MYRIP: variants seen among roughly 807,000 people sequenced by gnomAD.
The protein encoded by MYRIP is myosin VIIA and Rab interacting protein, also known as rab effector MyRIP.
In MYRIP, 49 loss-of-function variants were observed where a neutral mutation model predicts 98.0. The ratio of observed to expected loss-of-function variants is 0.50; its 90% CI spans 0.40 to 0.63. The LOEUF (loss-of-function observed/expected upper bound fraction) is 0.63. Ranked by LOEUF, MYRIP falls within the 30% of genes least tolerant of loss-of-function variation. The probability of loss-of-function intolerance (pLI) is 0.00; values close to 1 mark genes in which losing one functional copy is unlikely to be tolerated. For missense variants in MYRIP, 1,004 were observed against 1,058.2 expected (o/e 0.95, Z 0.71); for synonymous variants, 404 against 409.5 (o/e 0.99, Z 0.16).
rs367671138 is a variant in MYRIP at position 40,130,426 on chromosome 3, G to A, written c.333-20622G>A. On this transcript the variant is annotated intron_variant, in intron 3 of 16. Coordinates refer to ENST00000302541, the MANE Select transcript of MYRIP (RefSeq NM_015460.4). ...GGAGTCTCGCTCTGTGGCCCAGGCG[G>A]GAGTGCAGTGGCGCAATCTCGGCTC... 7.4e-3 allele frequency among the ~76,000 whole-genome samples: 1,115 copies of A among 150,714 alleles called. 11 individuals are homozygous for A. Among genetic ancestry groups the A allele is most frequent in the African/African-American group, 0.025 (1,021 of 40,942 alleles).
intron 3 of MYRIP, among the ~76,000 whole-genome samples, chr3:40,055,288 A>C (rs2125842769): frequency 6.6e-6 from 1 of 152,308 alleles, no homozygotes; most frequent in African/African-American, 2.4e-5. Context: ...GCAGTATTAG[A>C]TATGCTACAA....
intron 1 of MYRIP, among the ~76,000 whole-genome samples, chr3:39,888,315 T>G (rs1353449391): frequency 1.3e-5 from 2 of 151,974 alleles, no homozygotes; most frequent in Non-Finnish European, 2.9e-5. Context: ...AGCATGGTAC[T>G]GGTACCAAAA....
At chr3:40,136,449 C>T (rs1228997020) in intron 3 of MYRIP, among the ~76,000 whole-genome samples, 1 of 152,130 alleles carries the variant, frequency 6.6e-6, no homozygotes, top group Non-Finnish European at 1.5e-5. Flanking sequence ...ACTTTAACAC[C>T]CCGCTGTCAA....
At chr3:40,195,714 A>T (rs1158204059) in intron 10 of MYRIP, among the ~76,000 whole-genome samples, 1 of 152,078 alleles carries the variant, frequency 6.6e-6, no homozygotes, top group East Asian at 1.9e-4. Context: ...TTTAATAAAA[A>T]GCAGATTCCA....
intron 2 of MYRIP, among the ~76,000 whole-genome samples, chr3:39,907,846 T>C (rs1235173674): frequency 1.3e-5 from 2 of 152,294 alleles, no homozygotes; most frequent in African/African-American, 4.8e-5. Context: ...CGTCTGCCAT[T>C]GGGCCTCTCA....
intron 3 of MYRIP, among the ~76,000 whole-genome samples, chr3:40,107,588 C>A (rs188675096): frequency 1.3e-3 from 200 of 152,098 alleles, no homozygotes; most frequent in Non-Finnish European, 2.1e-3. Flanking sequence ...AAGAGGGAAG[C>A]AGAGGAAATA....
chr3:40,043,979 T>C (rs958771468), intron 2 of MYRIP, 71 bp from the exon 3 acceptor site: 1 of 1,449,054 alleles, frequency 6.9e-7, no homozygotes, highest in Admixed American at 1.9e-5. Context: ...GGTGCATGCT[T>C]TGGGGAGACA....
intron 2 of MYRIP, among the ~76,000 whole-genome samples, chr3:39,992,325 C>A (rs1043645899): frequency 6.6e-6 from 1 of 152,154 alleles, no homozygotes; most frequent in Non-Finnish European, 1.5e-5. Flanking sequence ...CTTGAGCCCC[C>A]AAACTCTGCC....
At chr3:39,889,510 C>A (rs1343011058) in intron 1 of MYRIP, among the ~76,000 whole-genome samples, 3 of 152,064 alleles carry the variant, frequency 2.0e-5, no homozygotes, top group Non-Finnish European at 4.4e-5. Context: ...AGGGGAACAT[C>A]ACACTCTGGG....
At chr3:40,146,277 A>G (rs1575574728) in intron 3 of MYRIP, among the ~76,000 whole-genome samples, 1 of 152,306 alleles carries the variant, frequency 6.6e-6, no homozygotes, top group East Asian at 1.9e-4. Flanking sequence ...ATTTGCACAA[A>G]GGCCTGAATG....
At chr3:39,882,016 C>T (rs768310700) in intron 1 of MYRIP, among the ~76,000 whole-genome samples, 7 of 151,958 alleles carry the variant, frequency 4.6e-5, no homozygotes, top group African/African-American at 7.3e-5. Context: ...TAATCCAATA[C>T]ATTTTACTAG....
chr3:40,100,057 C>T (rs1948915346), intron 3 of MYRIP: 1 of 984,990 alleles, frequency 1.0e-6, no homozygotes. Flanking sequence ...TGGTATTGCT[C>T]TCTACCCAGA....
chr3:39,937,476 C>G (rs944649949), intron 2 of MYRIP, among the ~76,000 whole-genome samples: 16 of 152,192 alleles, frequency 1.1e-4, no homozygotes, highest in Non-Finnish European at 2.1e-4. Flanking sequence ...GCTGTTTACT[C>G]TGACCAGTTT....
chr3:40,110,808 A>G (rs183467298), intron 3 of MYRIP, among the ~76,000 whole-genome samples: 4 of 150,466 alleles, frequency 2.7e-5, no homozygotes, highest in African/African-American at 9.8e-5. Context: ...TCTATTCTCA[A>G]CTTCACTTCT....
chr3:40,237,252 C>T (rs979517439), intron 12 of MYRIP, among the ~76,000 whole-genome samples: 1 of 152,170 alleles, frequency 6.6e-6, no homozygotes, highest in African/African-American at 2.4e-5. Context: ...TCTGTCTGTT[C>T]ACTTTTCACA....
At chr3:40,220,233 T>C (rs922552233) in intron 11 of MYRIP, among the ~76,000 whole-genome samples, 7 of 152,134 alleles carry the variant, frequency 4.6e-5, no homozygotes, top group Non-Finnish European at 8.8e-5. Context: ...TTCTGGATAT[T>C]AGCCCTTTGT....
chr3:40,064,494 C>T (rs1248107396), intron 3 of MYRIP, among the ~76,000 whole-genome samples: 3 of 152,138 alleles, frequency 2.0e-5, no homozygotes, highest in African/African-American at 7.2e-5. Flanking sequence ...CTCTGTTGTG[C>T]TTAAGGTAGA....
At chr3:40,234,294 G>A (rs1303708018) in intron 12 of MYRIP, among the ~76,000 whole-genome samples, 1 of 152,172 alleles carries the variant, frequency 6.6e-6, no homozygotes, top group Non-Finnish European at 1.5e-5. Context: ...GTAAGGGAAT[G>A]GGGAAAGTAA....
At chr3:40,034,747 C>T (rs1363189725) in intron 2 of MYRIP, among the ~76,000 whole-genome samples, 2 of 151,830 alleles carry the variant, frequency 1.3e-5, no homozygotes, top group African/African-American at 2.4e-5. Flanking sequence ...GATTATAAAT[C>T]ATGCTGCTAT....
Sources: allele counts gnomAD v4.1 joint callset (sites outside exome capture counted in the v4.1 genomes callset), GRCh38; gene constraint gnomAD v4.1.1; transcripts MANE v1.5; gene names NCBI Gene and HGNC (gene_info 2026-07-23, HGNC 2026-07-21).